MPPED2: variants seen among roughly 807,000 people sequenced by gnomAD.
The protein encoded by MPPED2 is metallophosphoesterase MPPED2.
Under a neutral mutation model 33.0 loss-of-function variants are expected in MPPED2, and 5 were observed. That is an observed-to-expected ratio of 0.15 (90% CI 0.08 to 0.32). MPPED2 has a LOEUF of 0.32. Among genes scored for constraint, MPPED2 ranks in the 10% least tolerant of loss-of-function variants. The probability of loss-of-function intolerance (pLI) is 1.00; values close to 1 mark genes in which losing one functional copy is unlikely to be tolerated. For missense variants in MPPED2, 275 were observed against 372.1 expected (o/e 0.74, Z 2.15); for synonymous variants, 136 against 141.9 (o/e 0.96, Z 0.29).
chr11:30,447,938 C>G (rs554573023), intron 4 of MPPED2, among the ~76,000 whole-genome samples: 1 of 152,148 alleles, frequency 6.6e-6, no homozygotes, highest in East Asian at 1.9e-4. Context: ...TATAGACCCT[C>G]GAAAGATAAA....
intron 2 of MPPED2, among the ~76,000 whole-genome samples, chr11:30,570,823 AG>A (rs1461825695): frequency 6.6e-6 from 1 of 152,232 alleles, no homozygotes; most frequent in Non-Finnish European, 1.5e-5. Flanking sequence ...AAATACCTAA[AG>A]CCAAATACCA....
At chr11:30,413,591 G>A (rs1948210140) in intron 6 of MPPED2, among the ~76,000 whole-genome samples, 1 of 152,220 alleles carries the variant, frequency 6.6e-6, no homozygotes. Context: ...TCCTATTTAA[G>A]AGAGATTTAA....
chr11:30,443,005 A>G (rs1949650769), intron 4 of MPPED2, among the ~76,000 whole-genome samples: 1 of 152,050 alleles, frequency 6.6e-6, no homozygotes, highest in South Asian at 2.1e-4. Context: ...AAAAAAAAAT[A>G]TTGTCATTAA....
At chr11:30,450,824 T>C (rs1286827863) in intron 4 of MPPED2, among the ~76,000 whole-genome samples, 2 of 152,188 alleles carry the variant, frequency 1.3e-5, no homozygotes, top group Non-Finnish European at 2.9e-5. Context: ...ACAGATAGAT[T>C]ATTAGCCCCC....
chr11:30,553,628 G>A (rs1199432704), intron 2 of MPPED2, among the ~76,000 whole-genome samples: 1 of 152,180 alleles, frequency 6.6e-6, no homozygotes, highest in Admixed American at 6.5e-5. Flanking sequence ...AAATAAGATT[G>A]AGAAACAGGA....
chr11:30,551,224 A>C (rs1465446555), intron 2 of MPPED2, among the ~76,000 whole-genome samples: 1 of 152,210 alleles, frequency 6.6e-6, no homozygotes, highest in Non-Finnish European at 1.5e-5. Flanking sequence ...ACGCTTAGGC[A>C]CCATGCCAAG....
chr11:30,562,457 CT>C (rs1956276398), intron 2 of MPPED2, among the ~76,000 whole-genome samples: 1 of 152,178 alleles, frequency 6.6e-6, no homozygotes, highest in South Asian at 2.1e-4. Context: ...AGCCTACCTT[CT>C]TTCACGTTTG....
Position 30,563,171 on chromosome 11 carries a change from T to A in MPPED2, c.128+17075A>T, listed in dbSNP as rs1265401821. On this transcript the variant is annotated intron_variant, in intron 2 of 6. Coordinates refer to ENST00000358117, the MANE Select transcript of MPPED2 (RefSeq NM_001584.3). ...CCAGACATCCCACTCTCCTTGCTCATTTCCTCCCTCCCTGTCCTATAGATC... is the reference window on the plus strand; with the variant it reads ...CCAGACATCCCACTCTCCTTGCTCAATTCCTCCCTCCCTGTCCTATAGATC... Among the ~76,000 whole-genome samples the A allele has an allele frequency of 4.0e-5, 6 of 148,600 alleles. No individual in the cohort carries two copies. The South Asian group carries it at 1.0e-3, about 26-fold the overall frequency.
At chr11:30,487,401 T>C (rs535234917) in intron 4 of MPPED2, among the ~76,000 whole-genome samples, 1 of 152,182 alleles carries the variant, frequency 6.6e-6, no homozygotes, top group Non-Finnish European at 1.5e-5. Context: ...TATACTTGCC[T>C]CCTGATATGT....
At chr11:30,407,599 C>T (rs941779879), downstream of MPPED2, among the ~76,000 whole-genome samples, 52 of 152,296 alleles carry the variant, frequency 3.4e-4, no homozygotes, top group Middle Eastern at 3.4e-3. Flanking sequence ...AGGCCAGGGA[C>T]GGTGGCTCAG....
chr11:30,564,472 C>T (rs1328569775), intron 2 of MPPED2, among the ~76,000 whole-genome samples: 11 of 152,116 alleles, frequency 7.2e-5, no homozygotes, highest in Non-Finnish European at 5.9e-5. Flanking sequence ...CTATTTGCTT[C>T]CCTCATTTAT....
chr11:30,516,601 C>T (rs775875007), intron 3 of MPPED2, among the ~76,000 whole-genome samples: 2 of 152,094 alleles, frequency 1.3e-5, no homozygotes, highest in Non-Finnish European at 2.9e-5. Flanking sequence ...TTTATTAACC[C>T]CCCAGTATGG....
At chr11:30,480,232 A>T (rs1951418421) in intron 4 of MPPED2, among the ~76,000 whole-genome samples, 1 of 152,118 alleles carries the variant, frequency 6.6e-6, no homozygotes, top group Admixed American at 6.6e-5. Flanking sequence ...CCAACCAGTG[A>T]AACAGCCTAG....
At chr11:30,541,970 T>C (rs1308848215) in intron 2 of MPPED2, among the ~76,000 whole-genome samples, 1 of 152,246 alleles carries the variant, frequency 6.6e-6, no homozygotes, top group African/African-American at 2.4e-5. Context: ...ATAGCATTAA[T>C]GCTAAACTTA....
At chr11:30,494,598 T>G (rs961921825) in intron 4 of MPPED2, among the ~76,000 whole-genome samples, 1 of 151,292 alleles carries the variant, frequency 6.6e-6, no homozygotes, top group African/African-American at 2.4e-5. Flanking sequence ...ATTAGCCGGG[T>G]ACAGTGGCAT....
chr11:30,522,573 C>T (rs1395080719), intron 3 of MPPED2, among the ~76,000 whole-genome samples: 1 of 152,046 alleles, frequency 6.6e-6, no homozygotes, highest in Non-Finnish European at 1.5e-5. Flanking sequence ...CAATGGAGGC[C>T]GCCCACCAGT....
intron 3 of MPPED2, among the ~76,000 whole-genome samples, chr11:30,531,572 G>T (rs922703759): frequency 6.6e-6 from 1 of 152,194 alleles, no homozygotes; most frequent in African/African-American, 2.4e-5. Context: ...GATATTTCCA[G>T]GCTACCATCA....
intron 3 of MPPED2, among the ~76,000 whole-genome samples, chr11:30,513,114 T>C (rs975944377): frequency 6.6e-6 from 1 of 152,124 alleles, no homozygotes; most frequent in Non-Finnish European, 1.5e-5. Context: ...TATTCTTCCA[T>C]TTTTTCTTTG....
At chr11:30,407,245 G>T (rs924853949), downstream of MPPED2, among the ~76,000 whole-genome samples, 12 of 152,224 alleles carry the variant, frequency 7.9e-5, no homozygotes, top group Non-Finnish European at 1.6e-4. Flanking sequence ...AAACAGAAAA[G>T]AATTCACTAA....
Sources: gnomAD v4.1 joint callset for allele counts (sites outside exome capture counted in the v4.1 genomes callset) on GRCh38, gnomAD v4.1.1 for gene constraint, MANE v1.5 for transcripts, NCBI Gene and HGNC (gene_info 2026-07-23, HGNC 2026-07-21) for gene names.